The following C2orf76 variants were observed in gnomAD, a reference collection of about 807,000 sequenced individuals.
The protein encoded by C2orf76 is UPF0538 protein C2orf76.
C2orf76 carries 23 observed loss-of-function variants against 16.9 expected under a neutral mutation model. The observed-to-expected ratio is 1.36, with a 90% CI of 0.98 to 1.93. The LOEUF (loss-of-function observed/expected upper bound fraction) is 1.93. Among genes scored for constraint, C2orf76 ranks in the 30% most tolerant of loss-of-function variants. The probability of loss-of-function intolerance (pLI) is 0.00; values close to 1 mark genes in which losing one functional copy is unlikely to be tolerated. For synonymous variants in C2orf76, 48 were observed against 52.3 expected, an observed-to-expected ratio of 0.92 and a Z score of 0.35; for missense variants, 152 against 152.6, an observed-to-expected ratio of 1.00 and a Z score of 0.02.
At chr2:119,299,385 A>G (rs1289583042), downstream of C2orf76, among the ~76,000 whole-genome samples, 1 of 152,252 alleles carries the variant, frequency 6.6e-6, no homozygotes, top group Non-Finnish European at 1.5e-5. Context: ...TGAGATAAAC[A>G]TAATATTTTT....
intron 1 of C2orf76, among the ~76,000 whole-genome samples, chr2:119,364,039 G>GAGAGACAGAC (rs113457627): frequency 1.0e-4 from 15 of 147,572 alleles, no homozygotes; most frequent in Non-Finnish European, 2.1e-4. Flanking sequence ...GAGAGAGAGA[G>GAGAGACAGAC]AGACAGACAG....
chr2:119,309,974 T>C (rs1471943403), intron 5 of C2orf76, among the ~76,000 whole-genome samples: 1 of 152,246 alleles, frequency 6.6e-6, no homozygotes, highest in African/African-American at 2.4e-5. Context: ...ACAATTTATT[T>C]TGTAATAAAA....
At chr2:119,286,280 G>A in the C2orf76 span, among the ~76,000 whole-genome samples, 1 of 151,328 alleles carries the variant, frequency 6.6e-6, no homozygotes, top group African/African-American at 2.4e-5. Context: ...GTGCTCCAGA[G>A]GACTGGCCAG....
At chr2:119,350,081 C>G (rs1244798469) in intron 1 of C2orf76, among the ~76,000 whole-genome samples, 1 of 131,180 alleles carries the variant, frequency 7.6e-6, no homozygotes, top group Non-Finnish European at 1.7e-5. Context: ...CCCCCGCCCC[C>G]CCACCGTCCC....
At chr2:119,355,255 T>A (rs1279104333) in intron 1 of C2orf76, among the ~76,000 whole-genome samples, 2 of 152,258 alleles carry the variant, frequency 1.3e-5, no homozygotes, top group African/African-American at 4.8e-5. Context: ...TTGTACTGTG[T>A]GTTGGGAGAC....
chr2:119,358,145 G>A (rs1573690580), intron 1 of C2orf76, among the ~76,000 whole-genome samples: 1 of 152,170 alleles, frequency 6.6e-6, no homozygotes, highest in East Asian at 1.9e-4. Flanking sequence ...TCAAAAGTTA[G>A]AAATGATTAA....
At chr2:119,286,713 T>C in the C2orf76 span, among the ~76,000 whole-genome samples, 3 of 151,934 alleles carry the variant, frequency 2.0e-5, no homozygotes, top group East Asian at 3.9e-4. Flanking sequence ...GGCAGCGGCA[T>C]GAAGGCTGGA....
chr2:119,293,720 T>C, the C2orf76 span, among the ~76,000 whole-genome samples: 2 of 152,134 alleles, frequency 1.3e-5, no homozygotes, highest in Non-Finnish European at 2.9e-5. Flanking sequence ...CTGGATATAC[T>C]CTGAACGCCC....
chr2:119,305,975 TTTGA>T (rs1678769724), intron 5 of C2orf76, among the ~76,000 whole-genome samples: 1 of 150,788 alleles, frequency 6.6e-6, no homozygotes, highest in South Asian at 2.1e-4. Flanking sequence ...AACCTCGGTC[TTTGA>T]TAGACTGGGT....
At chr2:119,285,892 C>A in the C2orf76 span, among the ~76,000 whole-genome samples, 2 of 152,092 alleles carry the variant, frequency 1.3e-5, no homozygotes, top group African/African-American at 4.8e-5. Flanking sequence ...TGATCTTCAA[C>A]CTCAGGGAGA....
At chr2:119,331,771 G>A (rs960218366) in intron 2 of C2orf76, among the ~76,000 whole-genome samples, 1 of 152,170 alleles carries the variant, frequency 6.6e-6, no homozygotes, top group East Asian at 1.9e-4. Context: ...GTTGTTTAAT[G>A]TAGAAGAGCA....
At chr2:119,323,498 A>G (rs941680460) in intron 2 of C2orf76, among the ~76,000 whole-genome samples, 1 of 152,196 alleles carries the variant, frequency 6.6e-6, no homozygotes, top group South Asian at 2.1e-4. Flanking sequence ...ATGCTGTAAC[A>G]AAAGTACGTT....
At chr2:119,311,468 A>G (rs1678983837) in intron 5 of C2orf76, 154 bp downstream of exon 5, 2 of 985,286 alleles carry the variant, frequency 2.0e-6, no homozygotes, top group South Asian at 9.4e-5. Context: ...AATGCACATC[A>G]TTCTCATCCT....
intron 1 of C2orf76, chr2:119,366,537 T>C (rs1234851877): frequency 4.3e-6 from 2 of 470,584 alleles, no homozygotes. Flanking sequence ...GGGTCTCCTC[T>C]AGACCCCAAG....
intron 2 of C2orf76, among the ~76,000 whole-genome samples, chr2:119,337,982 T>C (rs542481945): frequency 5.3e-5 from 8 of 152,226 alleles, no homozygotes; most frequent in Non-Finnish European, 1.0e-4. Context: ...AAGAACATCA[T>C]AGCACTTGCT....
At chr2:119,290,316 T>C in the C2orf76 span, among the ~76,000 whole-genome samples, 1 of 151,996 alleles carries the variant, frequency 6.6e-6, no homozygotes, top group African/African-American at 2.4e-5. Flanking sequence ...ACAGAAGCCA[T>C]AGAAACCGGC....
chr2:119,351,761 A>G (rs7604510), intron 1 of C2orf76, among the ~76,000 whole-genome samples: 35,639 of 149,892 alleles, frequency 0.24, 4,478 homozygotes, highest in Middle Eastern at 0.3. Context: ...TCCTGTCTCA[A>G]AAAAAAAAAA....
the C2orf76 span, among the ~76,000 whole-genome samples, chr2:119,288,482 A>G: frequency 3.9e-5 from 6 of 152,022 alleles, no homozygotes; most frequent in African/African-American, 1.4e-4. Context: ...AAAGTTAAAC[A>G]TGAGAGGCTG....
the C2orf76 span, among the ~76,000 whole-genome samples, chr2:119,282,151 A>G: frequency 6.2e-4 from 56 of 89,906 alleles, no homozygotes; most frequent in Middle Eastern, 0.016. Flanking sequence ...GTCTCAAAGA[A>G]AAAAAAAAAG....
Sources: gnomAD v4.1 joint callset for allele counts (sites outside exome capture counted in the v4.1 genomes callset) on GRCh38, gnomAD v4.1.1 for gene constraint, MANE v1.5 for transcripts, NCBI Gene and HGNC (gene_info 2026-07-23, HGNC 2026-07-21) for gene names.